Variants in PRDM16 observed in about 807,000 individuals in gnomAD.
The protein encoded by PRDM16 is histone-lysine N-methyltransferase PRDM16.
Under a neutral mutation model 110.6 loss-of-function variants are expected in PRDM16, and 23 were observed. That is an observed-to-expected ratio of 0.21 (90% CI 0.15 to 0.29). The LOEUF is 0.29. Among genes scored for constraint, PRDM16 ranks in the 10% least tolerant of loss-of-function variants. The pLI, the probability that PRDM16 is intolerant of heterozygous loss-of-function variation, is 1.00. For missense variants in PRDM16, 1,615 were observed against 1,794.3 expected, an observed-to-expected ratio of 0.90 and a Z score of 1.81; for synonymous variants, 799 against 781.8, an observed-to-expected ratio of 1.02 and a Z score of -0.37.
At chr1:3,386,173 C>A (rs906455211) in intron 4 of PRDM16, among the ~76,000 whole-genome samples, 6 of 124,462 alleles carry the variant, frequency 4.8e-5, no homozygotes, top group Non-Finnish European at 1.0e-4. Flanking sequence ...GGGTCCCCGG[C>A]CCCTTACATC....
chr1:3,312,586 G>A (rs1641489554), intron 3 of PRDM16, among the ~76,000 whole-genome samples: 1 of 152,256 alleles, frequency 6.6e-6, no homozygotes, highest in Non-Finnish European at 1.5e-5. Context: ...CCCGGGATGG[G>A]TTGGGAGTTC....
chr1:3,274,549 A>T (rs1324452215), intron 3 of PRDM16, among the ~76,000 whole-genome samples: 1 of 152,244 alleles, frequency 6.6e-6, no homozygotes, highest in East Asian at 1.9e-4. Context: ...GAAATAAAAT[A>T]GTGCACTTGT....
chr1:3,196,638 A>AC (rs1434620044), intron 2 of PRDM16, among the ~76,000 whole-genome samples: 5 of 151,904 alleles, frequency 3.3e-5, no homozygotes, highest in African/African-American at 1.2e-4. Flanking sequence ...AGCCTGTGAG[A>AC]CCCCCACCCA....
chr1:3,422,180 A>G (rs1457891167), intron 12 of PRDM16, among the ~76,000 whole-genome samples: 2 of 147,988 alleles, frequency 1.4e-5, no homozygotes, highest in African/African-American at 5.0e-5. Context: ...GAAGGCAGAT[A>G]GATAGATAGG....
Position 3,435,938 on chromosome 1 carries a change from CG to C in PRDM16, c.*2128del, listed in dbSNP as rs1018230712. ...GTGCGCTGGGGCCATGGGGTGGCCC[CG>C]CCGGGGCAGCGGGGGAGCTGCCTGC... On this transcript the variant is annotated 3_prime_UTR_variant, in exon 17 of 17. Coordinates refer to ENST00000270722, the MANE Select transcript of PRDM16 (RefSeq NM_022114.4). 97 of 231,356 alleles carry C rather than the reference CG, an allele frequency of 4.2e-4. No individual in the cohort carries two copies. Among genetic ancestry groups the C allele is most frequent in the Admixed American group, 7.3e-4 (13 of 17,748 alleles). 14.3% of individuals were successfully genotyped at this position (231,356 alleles called of 1,614,324 possible). A position where few individuals can be genotyped will look rare whatever the true frequency, so the allele number is the denominator to read the frequency against.
chr1:3,295,898 C>T (rs747656090), intron 3 of PRDM16, among the ~76,000 whole-genome samples: 4 of 152,066 alleles, frequency 2.6e-5, no homozygotes, highest in South Asian at 2.1e-4. Flanking sequence ...GTAACTGGGG[C>T]GTGACACCTC....
intron 1 of PRDM16, among the ~76,000 whole-genome samples, chr1:3,153,942 G>A (rs1390780456): frequency 6.6e-6 from 1 of 152,194 alleles, no homozygotes; most frequent in Non-Finnish European, 1.5e-5. Context: ...TGTTACCAGG[G>A]AGGCTTCCTT....
At chr1:3,116,476 A>G (rs539331599) in intron 1 of PRDM16, among the ~76,000 whole-genome samples, 2 of 152,030 alleles carry the variant, frequency 1.3e-5, no homozygotes, top group African/African-American at 4.8e-5. Flanking sequence ...GGATGCCCAG[A>G]CCCCATTCCC....
intron 3 of PRDM16, among the ~76,000 whole-genome samples, chr1:3,304,504 CT>C (rs1641269804): frequency 6.6e-6 from 1 of 152,232 alleles, no homozygotes; most frequent in Admixed American, 6.5e-5. Context: ...CACGGAGCTA[CT>C]GCCCTCAGCT....
intron 3 of PRDM16, among the ~76,000 whole-genome samples, chr1:3,378,752 G>A (rs1228173029): frequency 6.6e-6 from 1 of 152,068 alleles, no homozygotes; most frequent in Non-Finnish European, 1.5e-5. Context: ...TCTGGAATCA[G>A]AGACAGTACA....
intron 2 of PRDM16, among the ~76,000 whole-genome samples, chr1:3,196,295 T>C (rs879576299): frequency 1.7e-4 from 26 of 152,244 alleles, no homozygotes; most frequent in Non-Finnish European, 7.3e-5. Context: ...AACATGGCTC[T>C]GTCCTCTGCA....
chr1:3,293,764 C>T (rs866470211), intron 3 of PRDM16, among the ~76,000 whole-genome samples: 1 of 152,176 alleles, frequency 6.6e-6, no homozygotes, highest in East Asian at 1.9e-4. Context: ...CAGTGGTCGC[C>T]AGGGGTCCGG....
At position 3,213,759 on chromosome 1, in the gene PRDM16, G is replaced by A. The variant is rs1445674537; in HGVS notation, c.387+27285G>A. On this transcript the variant is annotated intron_variant, in intron 2 of 16. Transcript: ENST00000270722. This position sits in a 1 kb window ranked among gnomAD's most constrained non-coding sequence, Gnocchi z 5.3. ...GGAAGCGGGGTTTCCGGGACACCAC[G>A]TCCACCCCAGGTCACCTACAAACAA... is the stretch of plus-strand genomic sequence containing the variant. 6.6e-6 allele frequency among the ~76,000 whole-genome samples: 1 copy of A among 151,998 alleles called. No homozygotes were observed. The highest frequency in any genetic ancestry group is 2.1e-4 in the South Asian group (1 of 4,816).
intron 1 of PRDM16, among the ~76,000 whole-genome samples, chr1:3,176,282 C>T (rs1271763100): frequency 3.3e-5 from 5 of 152,250 alleles, no homozygotes; most frequent in Admixed American, 3.3e-4. Flanking sequence ...ATCCATCCAT[C>T]CATCCATCTA....
intron 3 of PRDM16, among the ~76,000 whole-genome samples, chr1:3,282,841 A>G (rs1159332219): frequency 6.6e-6 from 1 of 152,228 alleles, no homozygotes; most frequent in Non-Finnish European, 1.5e-5. Context: ...GGTGGTGGGC[A>G]GCCAGCGCTA....
Position 3,411,551 on chromosome 1 carries a change from A to G in PRDM16, c.1354A>G (p.Thr452Ala). Residue 452 changes from threonine to alanine, a missense_variant, in exon 9 of 17, where the codon ACG (threonine) becomes GCG (alanine). This residue lies in a region of PRDM16 where 772 missense variants were observed against 748.3 expected (regional missense o/e 1.03). Transcript: ENST00000270722. ...RRFCEGKNHY[T>A]PGGIFAPGLP... ...CTTCTGCGAGGGCAAGAACCATTAC[A>G]CGCCGGGCGGCATCTTTGCCCCGGG... The G allele has an allele frequency of 6.2e-7, 1 of 1,613,952 alleles. No individual in the cohort carries two copies. Among genetic ancestry groups the G allele is most frequent in the South Asian group, 1.1e-5 (1 of 91,074 alleles).
At chr1:3,076,302 G>A (rs1321775755) in intron 1 of PRDM16, among the ~76,000 whole-genome samples, 9 of 152,228 alleles carry the variant, frequency 5.9e-5, no homozygotes, top group Admixed American at 5.9e-4. Flanking sequence ...TGAAGGGAGG[G>A]TGTGGGATAC....
chr1:3,182,741 C>T (rs1006745707), intron 1 of PRDM16, among the ~76,000 whole-genome samples: 7 of 152,168 alleles, frequency 4.6e-5, no homozygotes, highest in East Asian at 1.9e-4. Context: ...GATCAAATGA[C>T]GATCGCTCAT....
At chr1:3,375,563 C>T (rs111562989) in intron 3 of PRDM16, among the ~76,000 whole-genome samples, 6 of 152,308 alleles carry the variant, frequency 3.9e-5, no homozygotes, top group African/African-American at 1.2e-4. Flanking sequence ...AGAGCAGTGA[C>T]GGGGCCGAGT....
Sources: allele counts gnomAD v4.1 joint callset (sites outside exome capture counted in the v4.1 genomes callset), GRCh38; gene constraint gnomAD v4.1.1; regional missense constraint gnomAD v4.1.1; non-coding constraint Gnocchi (gnomAD v3.1); transcripts MANE v1.5; gene names NCBI Gene and HGNC (gene_info 2026-07-23, HGNC 2026-07-21).